Variants in XKR4 observed in about 807,000 individuals in gnomAD.
XKR4 encodes XK-related protein 4.
XKR4 carries 12 observed loss-of-function variants against 53.9 expected under a neutral mutation model. The observed-to-expected ratio is 0.22, with a 90% CI of 0.14 to 0.36. The LOEUF is 0.36. Ranked by LOEUF, XKR4 falls within the 10% of genes least tolerant of loss-of-function variation. XKR4 has a pLI of 1.00. For synonymous variants in XKR4, 354 were observed against 362.4 expected (o/e 0.98, Z 0.26); for missense variants, 799 against 859.5 (o/e 0.93, Z 0.88).
intron 1 of XKR4, among the ~76,000 whole-genome samples, chr8:55,236,218 CAAAG>C (rs1408811047): frequency 1.3e-5 from 2 of 152,146 alleles, no homozygotes; most frequent in African/African-American, 2.4e-5. Flanking sequence ...CCTGGCAAAA[CAAAG>C]AGAGGTGAGT....
intron 1 of XKR4, among the ~76,000 whole-genome samples, chr8:55,110,252 T>C (rs530101579): frequency 6.6e-6 from 1 of 152,300 alleles, no homozygotes; most frequent in African/African-American, 2.4e-5. Context: ...AAATATTCTC[T>C]TAAATGGCAT....
At chr8:55,115,485 T>C (rs1279653514) in intron 1 of XKR4, among the ~76,000 whole-genome samples, 3 of 152,130 alleles carry the variant, frequency 2.0e-5, no homozygotes, top group Non-Finnish European at 4.4e-5. Flanking sequence ...TTGAAGTCTT[T>C]ATTGAAAGTC....
At chr8:55,226,721 T>C (rs1340351515) in intron 1 of XKR4, among the ~76,000 whole-genome samples, 1 of 152,186 alleles carries the variant, frequency 6.6e-6, no homozygotes, top group Non-Finnish European at 1.5e-5. Context: ...GCCTTCATTG[T>C]TCTTGCCCAG....
At chr8:55,430,332 C>T (rs2129393447) in intron 2 of XKR4, among the ~76,000 whole-genome samples, 1 of 152,298 alleles carries the variant, frequency 6.6e-6, no homozygotes, top group South Asian at 2.1e-4. Flanking sequence ...AATATGTCCA[C>T]ACAAAAACCT....
chr8:55,439,507 T>C (rs898942400), intron 2 of XKR4, among the ~76,000 whole-genome samples: 1 of 152,142 alleles, frequency 6.6e-6, no homozygotes, highest in African/African-American at 2.4e-5. Flanking sequence ...GAAAGCATGG[T>C]GCAAGAATAA....
At chr8:55,348,230 A>AG (rs1230703333) in intron 1 of XKR4, among the ~76,000 whole-genome samples, 3 of 152,142 alleles carry the variant, frequency 2.0e-5, no homozygotes, top group Non-Finnish European at 4.4e-5. Flanking sequence ...CTCAGTTATG[A>AG]GGGGGGAAAA....
At chr8:55,404,814 C>A (rs1804660761) in intron 2 of XKR4, among the ~76,000 whole-genome samples, 1 of 152,194 alleles carries the variant, frequency 6.6e-6, no homozygotes, top group African/African-American at 2.4e-5. Flanking sequence ...CACAGTAACT[C>A]TTGCCAAGGC....
At chr8:55,255,250 G>A (rs971264367) in intron 1 of XKR4, among the ~76,000 whole-genome samples, 2 of 152,168 alleles carry the variant, frequency 1.3e-5, no homozygotes, top group Non-Finnish European at 2.9e-5. Context: ...TACTAGCGGT[G>A]TGGCCTTAGA....
chr8:55,434,448 G>A (rs1006932911), intron 2 of XKR4, among the ~76,000 whole-genome samples: 11 of 141,612 alleles, frequency 7.8e-5, no homozygotes, highest in African/African-American at 3.0e-4. Flanking sequence ...TGTGTATGCA[G>A]AAATGGCAAT....
intron 2 of XKR4, among the ~76,000 whole-genome samples, chr8:55,485,044 G>C (rs1346981192): frequency 6.6e-6 from 1 of 152,176 alleles, no homozygotes; most frequent in Admixed American, 6.5e-5. Context: ...GGCAGAAAAA[G>C]CACTTGACAA....
chr8:55,523,983 T>C lies in XKR4; in HGVS notation c.1709T>C (p.Val570Ala). 6.2e-7 allele frequency: 1 copy of C among 1,614,150 alleles called. No homozygotes were observed. The highest frequency in any genetic ancestry group is 8.5e-7 in the Non-Finnish European group (1 of 1,180,036). ...DQKFAERDGCVPVFQVRPTAP... is the reference protein window; with the variant it reads ...DQKFAERDGCAPVFQVRPTAP... ...AAATTCGCAGAGCGGGATGGGTGTG[T>C]ACCTGTCTTTCAAGTGAGGCCCACT... Residue 570 changes from valine to alanine, a missense_variant, in exon 3 of 3, where the codon GTA (valine) becomes GCA (alanine). Val to Ala is a moderately conservative substitution (Grantham distance 64, BLOSUM62 0). Around this residue, in one of 3 missense-constraint regions of XKR4, gnomAD observed 269 missense variants for 264.4 expected, o/e 1.02. Coordinates refer to ENST00000327381, the MANE Select transcript of XKR4 (RefSeq NM_052898.2).
intron 1 of XKR4, among the ~76,000 whole-genome samples, chr8:55,173,549 T>C (rs1817191743): frequency 6.6e-6 from 1 of 152,226 alleles, no homozygotes; most frequent in Non-Finnish European, 1.5e-5. Context: ...TCCAACACCT[T>C]TTCTGGTCTC....
At chr8:55,462,616 A>C (rs983066727) in intron 2 of XKR4, among the ~76,000 whole-genome samples, 4 of 152,196 alleles carry the variant, frequency 2.6e-5, no homozygotes, top group Admixed American at 6.5e-5. Context: ...TCAAATTCAC[A>C]CATAACAATA....
At chr8:55,244,721 C>A (rs889092884) in intron 1 of XKR4, among the ~76,000 whole-genome samples, 19 of 152,128 alleles carry the variant, frequency 1.2e-4, no homozygotes, top group Admixed American at 9.8e-4. Flanking sequence ...ATCACACCAG[C>A]ATCTGTTATT....
intron 1 of XKR4, among the ~76,000 whole-genome samples, chr8:55,258,933 C>T (rs1818475842): frequency 6.6e-6 from 1 of 152,168 alleles, no homozygotes; most frequent in Non-Finnish European, 1.5e-5. Context: ...TTTAAGAATA[C>T]TCCTTCTTTT....
At chr8:55,444,556 G>A (rs1805317505) in intron 2 of XKR4, among the ~76,000 whole-genome samples, 1 of 152,106 alleles carries the variant, frequency 6.6e-6, no homozygotes, top group Non-Finnish European at 1.5e-5. Context: ...TCACAGAAGA[G>A]GAAATACAAA....
Position 55,534,391 on chromosome 8 carries a change from T to TTTTTTTTTA in XKR4, c.*10164_*10165insTTTTTTTTA, listed in dbSNP as rs1276112936. 1 of 142,276 alleles carries TTTTTTTTTA rather than the reference T, an allele frequency of 7.0e-6. No individual in the cohort carries two copies. The allele number at this position is 142,276 out of a possible 1,614,324, so 8.8% of individuals were successfully genotyped here. A position where few individuals can be genotyped will look rare whatever the true frequency, so the allele number is the denominator to read the frequency against. ...TTTTTTTTTTTTTTTTTTTTTTTTT[T>TTTTTTTTTA]GAGACAGAGTCTCGCTCTGTCGCAG... On this transcript the variant is annotated 3_prime_UTR_variant, in exon 3 of 3. Coordinates refer to ENST00000327381, the MANE Select transcript of XKR4 (RefSeq NM_052898.2).
intron 2 of XKR4, among the ~76,000 whole-genome samples, chr8:55,502,079 G>A (rs1224988267): frequency 1.3e-5 from 2 of 152,118 alleles, no homozygotes; most frequent in Non-Finnish European, 2.9e-5. Context: ...ATAAAAGTCT[G>A]TACATTTTGA....
intron 2 of XKR4, among the ~76,000 whole-genome samples, chr8:55,485,591 C>T (rs2129401637): frequency 6.6e-6 from 1 of 152,272 alleles, no homozygotes; most frequent in Non-Finnish European, 1.5e-5. Context: ...GTTGGCCAGG[C>T]TGGTCTCAAA....
Sources: allele counts gnomAD v4.1 joint callset (sites outside exome capture counted in the v4.1 genomes callset), GRCh38; gene constraint gnomAD v4.1.1; regional missense constraint gnomAD v4.1.1; transcripts MANE v1.5; gene names NCBI Gene and HGNC (gene_info 2026-07-23, HGNC 2026-07-21).